The following PCNX1 variants were observed in gnomAD, a reference collection of about 807,000 sequenced individuals.
PCNX1 encodes the protein pecanex 1.
Under a neutral mutation model 242.2 loss-of-function variants are expected in PCNX1, and 78 were observed. The ratio of observed to expected loss-of-function variants is 0.32; its 90% CI spans 0.27 to 0.39. PCNX1 has a LOEUF of 0.39. Among genes scored for constraint, PCNX1 ranks in the 10% least tolerant of loss-of-function variants. The pLI is 1.00. For missense variants in PCNX1, 2,581 were observed against 2,856.5 expected, an observed-to-expected ratio of 0.90 and a Z score of 2.20; for synonymous variants, 1,024 against 1,032.9, an observed-to-expected ratio of 0.99 and a Z score of 0.17.
At chr14:70,964,757 AG>A (rs1451006468) in intron 3 of PCNX1, among the ~76,000 whole-genome samples, 3 of 152,206 alleles carry the variant, frequency 2.0e-5, no homozygotes, top group African/African-American at 7.2e-5. Context: ...CTGTGATTAA[AG>A]CATGTGTGCA....
At chr14:71,042,707 T>TA (rs1173572326) in intron 19 of PCNX1, among the ~76,000 whole-genome samples, 1 of 152,134 alleles carries the variant, frequency 6.6e-6, no homozygotes, top group Non-Finnish European at 1.5e-5. Flanking sequence ...CTGGGGAATT[T>TA]AAGCCATTTA....
rs2058739844 is a variant in PCNX1 at position 70,978,277 on chromosome 14, A to G, written c.1940A>G (p.His647Arg). The G allele has an allele frequency of 1.2e-6, 2 of 1,614,142 alleles. No individual in the cohort carries two copies. The highest frequency in any genetic ancestry group is 4.5e-5 in the East Asian group (2 of 44,882). Residue 647 changes from histidine to arginine, a missense_variant, in exon 6 of 36, where the codon CAC (histidine) becomes CGC (arginine). Physicochemically the swap from His to Arg is conservative, Grantham distance 29 (BLOSUM62 0). Coordinates refer to ENST00000304743, the MANE Select transcript of PCNX1 (RefSeq NM_014982.3). ...AGATACAGTGCTCTAAAGACCAAAC[A>G]CACTCATAAAGAAAGGGGCACAGAC... Reference protein sequence around the residue: ...EGRYSALKTKHTHKERGTDSE... With the variant: ...EGRYSALKTKRTHKERGTDSE...
intron 26 of PCNX1, among the ~76,000 whole-genome samples, chr14:71,058,059 C>T (rs1395155707): frequency 6.6e-6 from 1 of 152,184 alleles, no homozygotes; most frequent in African/African-American, 2.4e-5. Flanking sequence ...TGGCTAGCAG[C>T]ATGGAATGCT....
intron 7 of PCNX1, among the ~76,000 whole-genome samples, chr14:70,989,050 T>C (rs1199325365): frequency 6.6e-6 from 1 of 152,120 alleles, no homozygotes; most frequent in Non-Finnish European, 1.5e-5. Context: ...ATTTTGACAG[T>C]ATTTAATATA....
At chr14:70,962,163 A>G (rs887375313) in intron 2 of PCNX1, 63 bp from the exon 3 acceptor site, 2 of 999,986 alleles carry the variant, frequency 2.0e-6, no homozygotes, top group Non-Finnish European at 3.1e-6. Flanking sequence ...AAAAATTAAC[A>G]AAGGAAAAGC....
intron 24 of PCNX1, chr14:71,053,164 T>G (rs191608388): frequency 1.9e-5 from 8 of 410,856 alleles, no homozygotes; most frequent in African/African-American, 8.5e-5. Context: ...AATTTTGGTG[T>G]TATTAATTAT....
At chr14:70,994,396 GATATATATATATATATATATATATAT>G (rs35068772) in intron 7 of PCNX1, among the ~76,000 whole-genome samples, 1 of 96,966 alleles carries the variant, frequency 1.0e-5, no homozygotes, top group Admixed American at 9.9e-5. Context: ...ACAGGCTTAA[GATATATATATATATATATATATATAT>G]ATATATATGT....
chr14:71,023,083 G>A, intron 12 of PCNX1, 117 bp from the exon 13 acceptor site: 6 of 760,742 alleles, frequency 7.9e-6, no homozygotes, highest in Non-Finnish European at 1.4e-5. Context: ...ATTAATATAG[G>A]TCATTTTGTG....
rs535993380 is a variant in PCNX1 at position 70,952,252 on chromosome 14, AT to A, written c.362+5133del. On this transcript the variant is annotated intron_variant, in intron 2 of 35. Coordinates refer to ENST00000304743, the MANE Select transcript of PCNX1 (RefSeq NM_014982.3). ...TCATTGCTTCTGAATTGTTTTTTCC[AT>A]TTTCTTTTACTTTAAAAATTTTTTA... is the stretch of plus-strand genomic sequence containing the variant. Among the ~76,000 whole-genome samples the A allele has an allele frequency of 3.9e-4, 59 of 152,164 alleles. 2 individuals are homozygous for A. In the South Asian group the frequency reaches 0.011, roughly 29 times the overall value.
intron 30 of PCNX1, among the ~76,000 whole-genome samples, chr14:71,094,676 C>T (rs1301358038): frequency 6.6e-6 from 1 of 152,132 alleles, no homozygotes; most frequent in Non-Finnish European, 1.5e-5. Context: ...CCTGTAATCC[C>T]AGCACCGTTG....
In PCNX1 at chr14:71,019,739, C is replaced by CT. The variant is rs1054705510; in HGVS notation, c.3150+588dup. On this transcript the variant is annotated intron_variant, in intron 12 of 35. Transcript: ENST00000304743. The stretch of plus-strand genomic sequence containing the variant: ...ATTTGTTAAAATAAGAACTTGCATT[C>CT]TTTTTTTTTTTAATAGTAGTAGTTT... 9.6e-3 allele frequency among the ~76,000 whole-genome samples: 1,399 copies of CT among 146,352 alleles called. 10 individuals are homozygous for CT. The highest frequency in any genetic ancestry group is 0.013 in the Non-Finnish European group (856 of 65,952).
intron 5 of PCNX1, among the ~76,000 whole-genome samples, chr14:70,972,358 G>C (rs2058567063): frequency 6.6e-6 from 1 of 152,056 alleles, no homozygotes; most frequent in Admixed American, 6.6e-5. Context: ...CAGATTTCAG[G>C]TAAGAGGTCT....
chr14:70,941,225 A>C (rs909561675), intron 1 of PCNX1, among the ~76,000 whole-genome samples: 2 of 152,114 alleles, frequency 1.3e-5, no homozygotes, highest in Admixed American at 6.5e-5. Context: ...TAGAATTTTC[A>C]TCTTTTCTGC....
intron 30 of PCNX1, among the ~76,000 whole-genome samples, chr14:71,100,738 G>A (rs1181319336): frequency 6.6e-6 from 1 of 152,106 alleles, no homozygotes; most frequent in African/African-American, 2.4e-5. Flanking sequence ...TAATTGGTAA[G>A]TTTGGTTGCT....
At chr14:71,017,300 A>G (rs2059985201) in intron 11 of PCNX1, among the ~76,000 whole-genome samples, 1 of 152,194 alleles carries the variant, frequency 6.6e-6, no homozygotes, top group African/African-American at 2.4e-5. Flanking sequence ...GATGAATGAA[A>G]TGGAGAAAGG....
intron 1 of PCNX1, among the ~76,000 whole-genome samples, chr14:70,910,402 A>C (rs922398411): frequency 6.6e-6 from 1 of 151,540 alleles, no homozygotes; most frequent in African/African-American, 2.4e-5. Context: ...TTCTGCTCTC[A>C]GGGCCTGCCC....
intron 2 of PCNX1, among the ~76,000 whole-genome samples, chr14:70,952,564 G>T (rs553041828): frequency 6.6e-6 from 1 of 151,164 alleles, no homozygotes; most frequent in Non-Finnish European, 1.5e-5. Context: ...CATACAGTAT[G>T]CATTTCTCTA....
At chr14:70,960,643 T>C (rs2058176229) in intron 2 of PCNX1, among the ~76,000 whole-genome samples, 1 of 151,946 alleles carries the variant, frequency 6.6e-6, no homozygotes. Context: ...CTATTCAACA[T>C]AGTGTTGGAA....
At chr14:71,087,078 A>G in intron 28 of PCNX1, among the ~76,000 whole-genome samples, 1 of 152,206 alleles carries the variant, frequency 6.6e-6, no homozygotes, top group East Asian at 1.9e-4. Context: ...AGAAAAAAAG[A>G]ATGAAGATCA....
Sources: allele counts gnomAD v4.1 joint callset (sites outside exome capture counted in the v4.1 genomes callset), GRCh38; gene constraint gnomAD v4.1.1; transcripts MANE v1.5; gene names NCBI Gene and HGNC (gene_info 2026-07-23, HGNC 2026-07-21).